The following GRIN2D variants were observed in gnomAD, a reference collection of about 807,000 sequenced individuals.
GRIN2D encodes glutamate receptor ionotropic, NMDA 2D.
A neutral mutation model predicts 103.2 loss-of-function variants in GRIN2D; 37 were observed. That is an observed-to-expected ratio of 0.36 (90% CI 0.28 to 0.47). The LOEUF (loss-of-function observed/expected upper bound fraction) is 0.47, where lower values mean the gene tolerates loss of function less well. Among genes scored for constraint, GRIN2D ranks in the 20% least tolerant of loss-of-function variants. GRIN2D has a pLI of 1.00. For synonymous variants in GRIN2D, 845 were observed against 885.6 expected (o/e 0.95, Z 0.81); for missense variants, 1,557 against 1,910.6 (o/e 0.81, Z 3.45).
In GRIN2D at chr19:48,441,856, C is replaced by T. The variant is rs566978074; in HGVS notation, c.2340C>T (p.Ser780=). The part of the protein sequence containing the change: ...DEGCKLVTIG[S]GKVFATTGYG... ...GCTGCAAGCTTGTCACCATCGGCTC[C>T]GGCAAGGTCTTCGCCACGACAGGCT... The change falls in exon 12 of 14, where the codon TCC becomes TCT. Residue 780 remains serine, a synonymous_variant. Transcript: ENST00000263269. 362 of 1,613,930 alleles carry T rather than the reference C, an allele frequency of 2.2e-4. 2 individuals carry two copies. The South Asian group carries it at 2.9e-3, about 13-fold the overall frequency.
Position 48,415,994 on chromosome 19 carries a change from C to A in GRIN2D, c.1582-8C>A. Reference sequence around the variant, plus strand: ...TCCCCCGCCCACTCCTCATCGCCCCCACCCCAGGTGTTCTACCAGCGCGCA... The same window carrying A: ...TCCCCCGCCCACTCCTCATCGCCCCAACCCCAGGTGTTCTACCAGCGCGCA... On this transcript the variant is annotated splice_polypyrimidine_tract_variant and splice_region_variant and intron_variant, in intron 7 of 13. Transcript: ENST00000263269. The A allele has an allele frequency of 1.2e-6, 2 of 1,612,198 alleles. No individual in the cohort carries two copies. Among genetic ancestry groups the A allele is most frequent in the Non-Finnish European group, 1.7e-6 (2 of 1,179,088 alleles).
At chr19:48,428,499 A>AT (rs1402745363) in intron 11 of GRIN2D, among the ~76,000 whole-genome samples, 2 of 151,688 alleles carry the variant, frequency 1.3e-5, no homozygotes, top group African/African-American at 2.4e-5. Context: ...TGTAGCTGAG[A>AT]TTACAGGCGT....
chr19:48,419,182 C>T, intron 8 of GRIN2D, 52 bp from the exon 9 acceptor site: 1 of 1,567,522 alleles, frequency 6.4e-7, no homozygotes, highest in South Asian at 1.1e-5. Context: ...CCAGCCTGAT[C>T]CCCGAGTCTT....
intron 8 of GRIN2D, among the ~76,000 whole-genome samples, chr19:48,418,492 G>T (rs1444006025): frequency 1.3e-5 from 2 of 152,118 alleles, no homozygotes; most frequent in Admixed American, 1.3e-4. Context: ...TGTGCTGTGT[G>T]GGGGATAGGC....
chr19:48,442,788 C>G lies in GRIN2D; in HGVS notation c.2862C>G (p.Gly954=). Residue 954 remains glycine, a synonymous_variant, in exon 14 of 14, where the codon GGC becomes GGG. Transcript: ENST00000263269. The surrounding 1 kb of genome is among the most constrained non-coding windows in gnomAD (Gnocchi z 7.2). ...RRTKGAGPPG[G]AGLADGFHRY... ...CCAAGGGCGCGGGGCCGCCGGGGGG[C>G]GCGGGCCTGGCCGACGGCTTCCACC... 9.4e-7 allele frequency: 1 copy of G among 1,066,000 alleles called. No homozygotes were observed. Among genetic ancestry groups the G allele is most frequent in the African/African-American group, 1.7e-5 (1 of 58,394 alleles). 66.0% of individuals were successfully genotyped at this position (1,066,000 alleles called of 1,614,324 possible).
At chr19:48,410,071 C>G (rs931656669) in intron 4 of GRIN2D, among the ~76,000 whole-genome samples, 1 of 151,510 alleles carries the variant, frequency 6.6e-6, no homozygotes, top group African/African-American at 2.4e-5. Flanking sequence ...AGGCGTGAAC[C>G]ACTGCGCCCA....
chr19:48,412,433 GAAAGAA>G (rs1473244362), intron 4 of GRIN2D, among the ~76,000 whole-genome samples: 4 of 124,826 alleles, frequency 3.2e-5, no homozygotes, highest in African/African-American at 1.4e-4. Flanking sequence ...AAGAAAGAAA[GAAAGAA>G]AGAAAGAAAG....
At chr19:48,420,481 C>T (rs760795953) in intron 10 of GRIN2D, among the ~76,000 whole-genome samples, 4 of 151,920 alleles carry the variant, frequency 2.6e-5, no homozygotes, top group South Asian at 4.2e-4. Context: ...TAAAATTCAA[C>T]GGAAATGAAT....
rs1569066539 is a variant in GRIN2D at position 48,421,578 on chromosome 19, CG to C, written c.2092-206del. ...CATCAGGGGCCTCAGGGAGGCTTCT[CG>C]TGAACTTTTGGATCACGTGTCTGCA... On this transcript the variant is annotated intron_variant, in intron 10 of 13. Transcript: ENST00000263269. This position sits in a 1 kb window ranked among gnomAD's most constrained non-coding sequence, Gnocchi z 4.8. 6.6e-6 allele frequency among the ~76,000 whole-genome samples: 1 copy of C among 152,156 alleles called. No homozygotes were observed. The highest frequency in any genetic ancestry group is 1.5e-5 in the Non-Finnish European group (1 of 68,036).
At position 48,444,166 on chromosome 19, in the gene GRIN2D, G is replaced by A. The variant is rs1433591925; in HGVS notation, c.*229G>A. On this transcript the variant is annotated 3_prime_UTR_variant, in exon 14 of 14. Coordinates refer to ENST00000263269, the MANE Select transcript of GRIN2D (RefSeq NM_000836.4). The surrounding 1 kb of genome is among the most constrained non-coding windows in gnomAD (Gnocchi z 5.5). ...AGAACGAGGGGGCGGGGGCCTTGGA[G>A]CCCACCGGACTTTTTTTTAAACCCG... The A allele has an allele frequency of 2.0e-5, 8 of 395,486 alleles. No individual in the cohort carries two copies. The highest frequency in any genetic ancestry group is 3.6e-5 in the Non-Finnish European group (8 of 222,920). The allele number at this position is 395,486 out of a possible 1,614,324, so 24.5% of individuals were successfully genotyped here. A position where few individuals can be genotyped will look rare whatever the true frequency, so the allele number is the denominator to read the frequency against.
intron 11 of GRIN2D, among the ~76,000 whole-genome samples, chr19:48,423,859 C>T (rs140943203): frequency 5.8e-4 from 89 of 152,298 alleles, no homozygotes; most frequent in Admixed American, 2.4e-3. Context: ...CTCTGTTGCC[C>T]AGGCTGGAGT....
chr19:48,441,829 G>T lies in GRIN2D; in HGVS notation c.2313G>T (p.Glu771Asp). ...AVLNYMARKD[E>D]GCKLVTIGSG... ...TCAATTACATGGCCCGCAAGGACGA[G>T]GGCTGCAAGCTTGTCACCATCGGCT... is the stretch of plus-strand genomic sequence containing the variant. Residue 771 changes from glutamate (E) to aspartate (D), a missense_variant, in exon 12 of 14, where the codon GAG (glutamate) becomes GAT (aspartate). Glu to Asp is a conservative substitution (Grantham distance 45, BLOSUM62 2). This residue lies in a region of GRIN2D where 138 missense variants were observed against 270.2 expected (regional missense o/e 0.51). Coordinates refer to ENST00000263269, the MANE Select transcript of GRIN2D (RefSeq NM_000836.4). The T allele has an allele frequency of 6.2e-7, 1 of 1,614,004 alleles. No individual in the cohort carries two copies. The highest frequency in any genetic ancestry group is 8.5e-7 in the Non-Finnish European group (1 of 1,180,030).
chr19:48,397,256 T>C (rs1970654079), intron 2 of GRIN2D, among the ~76,000 whole-genome samples: 1 of 152,026 alleles, frequency 6.6e-6, no homozygotes, highest in Admixed American at 6.6e-5. Context: ...TGTGGGGATT[T>C]TCTCTCCTTG....
intron 4 of GRIN2D, 149 bp from the exon 5 acceptor site, chr19:48,413,842 A>G: frequency 3.2e-6 from 2 of 626,102 alleles, no homozygotes; most frequent in Non-Finnish European, 5.9e-6. Flanking sequence ...GGGAAGGGGT[A>G]TATTCGTGTT....
At chr19:48,412,008 A>T (rs1970867844) in intron 4 of GRIN2D, among the ~76,000 whole-genome samples, 1 of 151,566 alleles carries the variant, frequency 6.6e-6, no homozygotes, top group Admixed American at 6.6e-5. Flanking sequence ...GCCTGGGAAA[A>T]GTAGTGAGAC....
chr19:48,436,938 A>C (rs1010306181), intron 11 of GRIN2D, among the ~76,000 whole-genome samples: 1 of 152,108 alleles, frequency 6.6e-6, no homozygotes, highest in African/African-American at 2.4e-5. Flanking sequence ...AGTCACTCTG[A>C]GTGACGAGGG....
intron 11 of GRIN2D, among the ~76,000 whole-genome samples, chr19:48,431,747 G>A (rs948016254): frequency 6.6e-6 from 1 of 151,908 alleles, no homozygotes; most frequent in African/African-American, 2.4e-5. Flanking sequence ...ACCATGCCCA[G>A]CTAATTTCTT....
chr19:48,443,878 G>A lies in GRIN2D; in HGVS notation c.3952G>A (p.Gly1318Arg). Residue 1318 changes from glycine to arginine, a missense_variant, in exon 14 of 14, where the codon GGG (glycine) becomes AGG (arginine). Gly to Arg is a moderately radical substitution (Grantham distance 125). Coordinates refer to ENST00000263269, the MANE Select transcript of GRIN2D (RefSeq NM_000836.4). This position sits in a 1 kb window ranked among gnomAD's most constrained non-coding sequence, Gnocchi z 8.9. ...AGCTTCCCACCGGAGACACCGGGGC[G>A]GGGACCTGGGCACCCGCAGGGGCTC... ...PTASHRRHRG[G>R]DLGTRRGSAH... 6.8e-7 allele frequency: 1 copy of A among 1,476,394 alleles called. No individual in the cohort carries two copies. The highest frequency in any genetic ancestry group is 8.9e-7 in the Non-Finnish European group (1 of 1,121,122). The allele number at this position is 1,476,394 out of a possible 1,614,324, so 91.5% of individuals were successfully genotyped here.
rs1361053276 is a variant in GRIN2D, at chr19:48,422,269, G to A, written c.2252+324G>A. Reference sequence around the variant, plus strand: ...ACCTCTGTTTCCTCCTCTGTAAAATGAGGATAACAAGAGTATCCCCACTGT... The same window carrying A: ...ACCTCTGTTTCCTCCTCTGTAAAATAAGGATAACAAGAGTATCCCCACTGT... On this transcript the variant is annotated intron_variant, in intron 11 of 13. Transcript: ENST00000263269. 2.0e-5 allele frequency among the ~76,000 whole-genome samples: 3 copies of A among 152,208 alleles called. No homozygotes were observed. The East Asian group carries it at 5.8e-4, about 29-fold the overall frequency.
Sources: gnomAD v4.1 joint callset for allele counts (sites outside exome capture counted in the v4.1 genomes callset) on GRCh38, gnomAD v4.1.1 for gene constraint, gnomAD v4.1.1 regional missense constraint, Gnocchi (gnomAD v3.1) non-coding constraint, MANE v1.5 for transcripts, NCBI Gene and HGNC (gene_info 2026-07-23, HGNC 2026-07-21) for gene names.